PROM2: variants seen among roughly 807,000 people sequenced by gnomAD.
PROM2 encodes prominin-2.
In PROM2, 90 loss-of-function variants were observed where a neutral mutation model predicts 110.2. The observed-to-expected ratio is 0.82, with a 90% CI of 0.69 to 0.97. The LOEUF is 0.97. Ranked by LOEUF, PROM2 falls within the 50% of genes least tolerant of loss-of-function variation. The pLI is 0.00. For missense variants in PROM2, 1,009 were observed against 1,074.8 expected, an observed-to-expected ratio of 0.94 and a Z score of 0.86; for synonymous variants, 470 against 467.8, an observed-to-expected ratio of 1.00 and a Z score of -0.06.
At chr2:95,278,690 G>T (rs1237686674) in intron 8 of PROM2, 31 bp from the exon 9 acceptor site, 1 of 1,613,672 alleles carries the variant, frequency 6.2e-7, no homozygotes, top group East Asian at 2.2e-5. Flanking sequence ...GGGCAGAGAT[G>T]GGGAGGCCCA....
chr2:95,286,389 C>T, intron 16 of PROM2, 90 bp from the exon 17 acceptor site: 1 of 1,159,034 alleles, frequency 8.6e-7, no homozygotes, highest in South Asian at 1.3e-5. Context: ...GCCCAGCACT[C>T]CCACTTTCTC....
At chr2:95,280,275 G>C (rs1158517077) in intron 11 of PROM2, among the ~76,000 whole-genome samples, 1 of 152,206 alleles carries the variant, frequency 6.6e-6, no homozygotes, top group African/African-American at 2.4e-5. Flanking sequence ...AGCAGCACCA[G>C]AGGTGGAATC....
chr2:95,288,624 GGCCAGGGAGGTGTCCTTTCAGCC>G, intron 22 of PROM2, 35 bp downstream of exon 22: 2 of 1,569,340 alleles, frequency 1.3e-6, no homozygotes, highest in Non-Finnish European at 1.7e-6. Context: ...CAGCATCAGG[GGCCAGGGAGGTGTCCTTTCAGCC>G]GCCAGGGTCC....
Position 95,276,869 on chromosome 2 carries a change from C to T in PROM2, c.683-103C>T, listed in dbSNP as rs1427287818. ...CGCTCCTTCACTCCCCTCCACCCCC[C>T]GGCTCCTGCAGAGCCCGGTGGGGCC... On this transcript the variant is annotated intron_variant, in intron 5 of 23. Coordinates refer to ENST00000317620, the MANE Select transcript of PROM2 (RefSeq NM_001165978.3). This position sits in a 1 kb window ranked among gnomAD's most constrained non-coding sequence, Gnocchi z 4.6. The T allele has an allele frequency of 2.2e-5, 28 of 1,293,062 alleles. No homozygotes were observed. The highest frequency in any genetic ancestry group is 3.9e-5 in the South Asian group (3 of 77,500). 80.1% of individuals were successfully genotyped at this position (1,293,062 alleles called of 1,614,324 possible). A position where few individuals can be genotyped will look rare whatever the true frequency, so the allele number is the denominator to read the frequency against.
intron 23 of PROM2, 72 bp downstream of exon 23, chr2:95,289,078 T>C (rs1573466525): frequency 8.1e-7 from 1 of 1,235,786 alleles, no homozygotes; most frequent in Non-Finnish European, 1.2e-6. Context: ...GGGGCTGGGG[T>C]CTGGGGTTTC....
intron 14 of PROM2, among the ~76,000 whole-genome samples, chr2:95,284,738 C>T: frequency 6.6e-6 from 1 of 152,226 alleles, no homozygotes; most frequent in Non-Finnish European, 1.5e-5. Context: ...AAAACTCACT[C>T]ATCACATGGC....
At chr2:95,286,355 G>A in intron 16 of PROM2, 124 bp from the exon 17 acceptor site, 1 of 748,146 alleles carries the variant, frequency 1.3e-6, no homozygotes, top group South Asian at 1.8e-5. Flanking sequence ...GGAGCTTAAG[G>A]AGGCCTCAGT....
In PROM2 at chr2:95,278,022, T is replaced by G. The variant is rs563692724; in HGVS notation, c.1050+18T>G. 3.7e-6 allele frequency: 6 copies of G among 1,601,794 alleles called. No homozygotes were observed. In the Admixed American group the frequency reaches 5.0e-5, roughly 13 times the overall value. On this transcript the variant is annotated intron_variant, in intron 8 of 23. Coordinates refer to ENST00000317620, the MANE Select transcript of PROM2 (RefSeq NM_001165978.3). ...TCCAGGAGGTGAGAGCCACCTGGTC[T>G]GCCTGATTTCTCCCTCACCTGCCAA...
At chr2:95,287,585 A>G (rs763508891) in intron 20 of PROM2, 121 bp downstream of exon 20, 3 of 957,424 alleles carry the variant, frequency 3.1e-6, no homozygotes, top group Non-Finnish European at 4.7e-6. Flanking sequence ...TCAGGATCAA[A>G]CCCAAACTCC....
Position 95,275,346 on chromosome 2 carries a change from T to C in PROM2, c.245-115T>C, listed in dbSNP as rs925406839. The stretch of plus-strand genomic sequence containing the variant: ...GATGCAGCCTTCTGCGAGGGTGCCA[T>C]GGTGGTGGCAGGAGCCCTGCCTCAG... On this transcript the variant is annotated intron_variant, in intron 1 of 23. Coordinates refer to ENST00000317620, the MANE Select transcript of PROM2 (RefSeq NM_001165978.3). This position sits in a 1 kb window ranked among gnomAD's most constrained non-coding sequence, Gnocchi z 4.4. The C allele has an allele frequency of 1.8e-5, 17 of 938,750 alleles. No homozygotes were observed. In the African/African-American group the frequency reaches 2.6e-4, roughly 15 times the overall value. The allele number at this position is 938,750 out of a possible 1,614,324, so 58.2% of individuals were successfully genotyped here.
Position 95,282,227 on chromosome 2 carries a change from G to A in PROM2, c.1728+1G>A. ...GGAGGAGCACCTGGATATCAACCAG[G>A]TGAGAGAACGTTTTGGAAACTGTGA... is the stretch of plus-strand genomic sequence containing the variant. On this transcript the variant is annotated splice_donor_variant, in intron 14 of 23. Transcript: ENST00000317620. LOFTEE classifies it high-confidence loss of function. 1 of 1,612,014 alleles carries A rather than the reference G, an allele frequency of 6.2e-7. No individual in the cohort carries two copies.
At chr2:95,278,511 G>C in intron 8 of PROM2, 1 of 628,118 alleles carries the variant, frequency 1.6e-6, no homozygotes, top group Non-Finnish European at 2.9e-6. Context: ...GAGGGATGGG[G>C]GTAGGAAGAA....
Position 95,286,853 on chromosome 2 carries a change from T to C in PROM2, c.2090T>C (p.Leu697Pro). The change falls in exon 18 of 24, where the codon CTC (leucine) becomes CCC (proline). Residue 697 changes from leucine to proline, a missense_variant. By Grantham distance (98) the Leu-to-Pro change is moderately conservative. Transcript: ENST00000317620. ...GCCCTGGAGTCCTCTGCCCCGAATC[T>C]CCAGGTGGCTGCTGTTGGTGGGGAC... ...VRALESSAPNLQLETSDVLAN... is the reference protein window; with the variant it reads ...VRALESSAPNPQLETSDVLAN... 1 of 1,613,686 alleles carries C rather than the reference T, an allele frequency of 6.2e-7. No individual in the cohort carries two copies. Among genetic ancestry groups the C allele is most frequent in the Non-Finnish European group, 8.5e-7 (1 of 1,179,954 alleles).
At position 95,288,997 on chromosome 2, in the gene PROM2, G is replaced by C; in HGVS notation, c.*1G>C. ...CCGGGTTACCTCCCTGAAGCTGTAG[G>C]GCCTTGTGGGTGAGTTTTCCCCAAC... is the stretch of plus-strand genomic sequence containing the variant. On this transcript the variant is annotated 3_prime_UTR_variant, in exon 23 of 24. Transcript: ENST00000317620. 1.2e-6 allele frequency: 2 copies of C among 1,613,730 alleles called. No individual in the cohort carries two copies. Among genetic ancestry groups the C allele is most frequent in the Non-Finnish European group, 1.7e-6 (2 of 1,179,642 alleles).
At chr2:95,278,698 C>T (rs779187515) in intron 8 of PROM2, 23 bp from the exon 9 acceptor site, 1 of 1,613,942 alleles carries the variant, frequency 6.2e-7, no homozygotes, top group Non-Finnish European at 8.5e-7. Context: ...ATGGGGAGGC[C>T]CAGCACTACT....
Position 95,276,559 on chromosome 2 carries a change from AG to A in PROM2, c.619-33del. 1.9e-6 allele frequency: 3 copies of A among 1,613,794 alleles called. No individual in the cohort carries two copies. Among genetic ancestry groups the A allele is most frequent in the Non-Finnish European group, 2.5e-6 (3 of 1,179,850 alleles). ...AAGGGCGTAAGGACTGTGGGTGACC[AG>A]GAAGGGCAGCCTCAGGGCCTTGTGT... On this transcript the variant is annotated intron_variant, in intron 4 of 23. Coordinates refer to ENST00000317620, the MANE Select transcript of PROM2 (RefSeq NM_001165978.3). This position sits in a 1 kb window ranked among gnomAD's most constrained non-coding sequence, Gnocchi z 4.6.
rs1054087303 is a variant in PROM2 at position 95,276,110 on chromosome 2, C to T, written c.475C>T (p.Leu159=). Residue 159 remains leucine (L), a synonymous_variant, in exon 3 of 24, where the codon CTG becomes TTG. Transcript: ENST00000317620. The surrounding 1 kb of genome is among the most constrained non-coding windows in gnomAD (Gnocchi z 4.6). ...GCGCGCGGCCCTCATGGTCTTCCTG[C>T]TGCTGACCACCCTCTTGCTGCTGTA... The part of the protein sequence containing the change: ...CERAALMVFL[L]LTTLLLLIGV... 1.9e-6 allele frequency: 3 copies of T among 1,611,652 alleles called. No homozygotes were observed. In the African/African-American group the frequency reaches 4.0e-5, roughly 22 times the overall value.
intron 11 of PROM2, 108 bp from the exon 12 acceptor site, chr2:95,281,134 G>A: frequency 2.1e-6 from 3 of 1,459,056 alleles, no homozygotes; most frequent in Non-Finnish European, 1.9e-6. Flanking sequence ...GCTCTGTGCT[G>A]GGGCCAACTG....
rs2278067 is a variant in PROM2, at chr2:95,289,932, G to A, written c.*719G>A. 1.3e-5 allele frequency: 2 copies of A among 152,032 alleles called. No homozygotes were observed. The highest frequency in any genetic ancestry group is 4.8e-5 in the African/African-American group (2 of 41,408). 9.4% of individuals were successfully genotyped at this position (152,032 alleles called of 1,614,324 possible). A position where few individuals can be genotyped will look rare whatever the true frequency, so the allele number is the denominator to read the frequency against. On this transcript the variant is annotated 3_prime_UTR_variant, in exon 24 of 24. Transcript: ENST00000317620. ...TGCAGATCTCATCCAGGATTTATTG[G>A]TGTCCAGTGGGGTGAGGGAGGCCTG...
Sources: allele counts gnomAD v4.1 joint callset (sites outside exome capture counted in the v4.1 genomes callset), GRCh38; gene constraint gnomAD v4.1.1; non-coding constraint Gnocchi (gnomAD v3.1); transcripts MANE v1.5; gene names NCBI Gene and HGNC (gene_info 2026-07-23, HGNC 2026-07-21).